Variants in PEX3 observed in about 807,000 individuals in gnomAD.
The protein encoded by PEX3 is peroxin-3.
In PEX3, 30 loss-of-function variants were observed where a neutral mutation model predicts 55.8. The ratio of observed to expected loss-of-function variants is 0.54; its 90% CI spans 0.40 to 0.73. PEX3 has a LOEUF of 0.73. Ranked by LOEUF, PEX3 falls within the 30% of genes least tolerant of loss-of-function variation. The probability of loss-of-function intolerance (pLI) is 0.00; values close to 1 mark genes in which losing one functional copy is unlikely to be tolerated. For missense variants in PEX3, 351 were observed against 432.8 expected (o/e 0.81, Z 1.68); for synonymous variants, 135 against 148.4 (o/e 0.91, Z 0.66).
rs1371981161 is a variant in PEX3 at position 143,454,823 on chromosome 6, C to T, written c.73+3708C>T. On this transcript the variant is annotated intron_variant, in intron 1 of 11. Transcript: ENST00000367591. This position sits in a 1 kb window ranked among gnomAD's most constrained non-coding sequence, Gnocchi z 4.3. ...CAATTCAAGAGGTTCAGCAACATTG[C>T]TTTTTATGAATGAAACTGTATTTCA... Among the ~76,000 whole-genome samples, 2 of 152,140 alleles carry T rather than the reference C, an allele frequency of 1.3e-5. No homozygotes were observed. The highest frequency in any genetic ancestry group is 2.4e-5 in the African/African-American group (1 of 41,408).
rs554532353 is a variant in PEX3 at position 143,483,257 on chromosome 6, G to C, written c.942-1895G>C. On this transcript the variant is annotated intron_variant, in intron 10 of 11. Coordinates refer to ENST00000367591, the MANE Select transcript of PEX3 (RefSeq NM_003630.3). This position sits in a 1 kb window ranked among gnomAD's most constrained non-coding sequence, Gnocchi z 4.3. The stretch of plus-strand genomic sequence containing the variant: ...ACTGTATTAGGTTTCTGTTCCCATA[G>C]ATCTTACAATCTAATTGGGGAAATA... 2.8e-4 allele frequency among the ~76,000 whole-genome samples: 42 copies of C among 152,104 alleles called. No individual in the cohort carries two copies. Among genetic ancestry groups the C allele is most frequent in the Admixed American group, 6.6e-4 (10 of 15,260 alleles).
At chr6:143,478,481 CACAT>C (rs764988870) in intron 9 of PEX3, among the ~76,000 whole-genome samples, 1 of 152,058 alleles carries the variant, frequency 6.6e-6, no homozygotes, top group Non-Finnish European at 1.5e-5. Flanking sequence ...GAAAGATACA[CACAT>C]ACACATGCAC....
chr6:143,467,454 C>T (rs1562653474), intron 3 of PEX3, among the ~76,000 whole-genome samples: 1 of 152,022 alleles, frequency 6.6e-6, no homozygotes. Context: ...TAGCAATGAA[C>T]ATTCTGCATC....
rs886061131 is a variant in PEX3, at chr6:143,450,891, GTC to G, written c.-148_-147del. The G allele has an allele frequency of 3.7e-6, 3 of 811,296 alleles. No individual in the cohort carries two copies. Among genetic ancestry groups the G allele is most frequent in the East Asian group, 4.9e-5 (2 of 41,204 alleles). 50.3% of individuals were successfully genotyped at this position (811,296 alleles called of 1,614,324 possible). A position where few individuals can be genotyped will look rare whatever the true frequency, so the allele number is the denominator to read the frequency against. On this transcript the variant is annotated 5_prime_UTR_variant, in exon 1 of 12. Coordinates refer to ENST00000367591, the MANE Select transcript of PEX3 (RefSeq NM_003630.3). ...ACGCCCCCTTGCCGCTCCGGTGACA[GTC>G]TCTGCGGAAAGTCACGTTTGTGATT... is the stretch of plus-strand genomic sequence containing the variant.
rs746479380 is a variant in PEX3 at position 143,485,232 on chromosome 6, C to A, written c.1022C>A (p.Pro341His). Residue 341 changes from proline (P) to histidine (H), a missense_variant, in exon 11 of 12, where the codon CCT (proline) becomes CAT (histidine). Transcript: ENST00000367591. The surrounding 1 kb of genome is among the most constrained non-coding windows in gnomAD (Gnocchi z 5.6). Reference sequence around the variant, plus strand: ...ATCCATTCAGTTTGCAGTGAAACACCTAGTCATTTTGTTCAGGTAAGAAGA... The same window carrying A: ...ATCCATTCAGTTTGCAGTGAAACACATAGTCATTTTGTTCAGGTAAGAAGA... ...GQIHSVCSET[P>H]SHFVQDLLTM... 2.5e-6 allele frequency: 4 copies of A among 1,580,306 alleles called. No individual in the cohort carries two copies. In the South Asian group the frequency reaches 4.4e-5, roughly 17 times the overall value.
chr6:143,468,222 G>T, intron 4 of PEX3, 57 bp downstream of exon 4: 1 of 1,166,770 alleles, frequency 8.6e-7, no homozygotes, highest in Non-Finnish European at 1.3e-6. Context: ...AAAGGGAAAT[G>T]TTTGCATTCT....
intron 9 of PEX3, among the ~76,000 whole-genome samples, chr6:143,478,644 A>G (rs1780185900): frequency 6.6e-6 from 1 of 152,028 alleles, no homozygotes; most frequent in African/African-American, 2.4e-5. Flanking sequence ...GAGCTCCCCA[A>G]TTTACTAATC....
At position 143,465,356 on chromosome 6, in the gene PEX3, A is replaced by G. The variant is rs528754359; in HGVS notation, c.287+2359A>G. On this transcript the variant is annotated intron_variant, in intron 3 of 11. Coordinates refer to ENST00000367591, the MANE Select transcript of PEX3 (RefSeq NM_003630.3). This position sits in a 1 kb window ranked among gnomAD's most constrained non-coding sequence, Gnocchi z 4.7. Reference sequence around the variant, plus strand: ...ATAATGTTAAGTGTAAACATGAAGAAATGTCCTGGGTAACTATTACTGTCT... The same window carrying G: ...ATAATGTTAAGTGTAAACATGAAGAGATGTCCTGGGTAACTATTACTGTCT... Among the ~76,000 whole-genome samples, 31 of 151,970 alleles carry G rather than the reference A, an allele frequency of 2.0e-4. No individual in the cohort carries two copies. Among genetic ancestry groups the G allele is most frequent in the Non-Finnish European group, 3.4e-4 (23 of 67,862 alleles).
Position 143,453,920 on chromosome 6 carries a change from A to G in PEX3, c.73+2805A>G, listed in dbSNP as rs1479859466. Reference sequence around the variant, plus strand: ...GAAAAGACTAGAGAATTGACTCCCAAACTTTTTGATCTAAGGTCTCCTTTA... The same window carrying G: ...GAAAAGACTAGAGAATTGACTCCCAGACTTTTTGATCTAAGGTCTCCTTTA... On this transcript the variant is annotated intron_variant, in intron 1 of 11. Transcript: ENST00000367591. The surrounding 1 kb of genome is among the most constrained non-coding windows in gnomAD (Gnocchi z 4.6). Among the ~76,000 whole-genome samples the G allele has an allele frequency of 1.3e-5, 2 of 152,156 alleles. No homozygotes were observed. The highest frequency in any genetic ancestry group is 2.9e-5 in the Non-Finnish European group (2 of 68,032).
rs1779947748 is a variant in PEX3 at position 143,463,147 on chromosome 6, C to T, written c.287+150C>T. 1.5e-6 allele frequency: 1 copy of T among 658,944 alleles called. No homozygotes were observed. The highest frequency in any genetic ancestry group is 2.7e-6 in the Non-Finnish European group (1 of 368,406). 40.8% of individuals were successfully genotyped at this position (658,944 alleles called of 1,614,324 possible). ...GAAAAATACTAACTATATCATTTAA[C>T]CTACATTTAATTTTGTCTATGCTCT... On this transcript the variant is annotated intron_variant, in intron 3 of 11. Coordinates refer to ENST00000367591, the MANE Select transcript of PEX3 (RefSeq NM_003630.3). The surrounding 1 kb of genome is among the most constrained non-coding windows in gnomAD (Gnocchi z 5.7).
rs1250869936 is a variant in PEX3 at position 143,483,981 on chromosome 6, A to T, written c.942-1171A>T. The stretch of plus-strand genomic sequence containing the variant: ...AAATGCCTGCTTCCCTCAGGAATAC[A>T]TAAATCTTCCCACTTCCTTTATTCT... On this transcript the variant is annotated intron_variant, in intron 10 of 11. Coordinates refer to ENST00000367591, the MANE Select transcript of PEX3 (RefSeq NM_003630.3). This position sits in a 1 kb window ranked among gnomAD's most constrained non-coding sequence, Gnocchi z 4.3. 6.6e-6 allele frequency among the ~76,000 whole-genome samples: 1 copy of T among 152,106 alleles called. No homozygotes were observed. Among genetic ancestry groups the T allele is most frequent in the Non-Finnish European group, 1.5e-5 (1 of 68,002 alleles).
rs2128745147 is a variant in PEX3 at position 143,454,896 on chromosome 6, A to G, written c.73+3781A>G. Among the ~76,000 whole-genome samples, 1 of 152,374 alleles carries G rather than the reference A, an allele frequency of 6.6e-6. No homozygotes were observed. The highest frequency in any genetic ancestry group is 2.4e-5 in the African/African-American group (1 of 41,596). On this transcript the variant is annotated intron_variant, in intron 1 of 11. Transcript: ENST00000367591. The surrounding 1 kb of genome is among the most constrained non-coding windows in gnomAD (Gnocchi z 4.3). ...TGGCAAAAGATTAACTTGGAAAAGT[A>G]GCTAGAGTACAGATTGTGAAGGGCC...
rs1779976610 is a variant in PEX3, at chr6:143,465,263, T to C, written c.287+2266T>C. ...CTGTTCTACATAGATTTGGAATCTT[T>C]TATGTAGATTTTGGAGTTTTTTAAA... On this transcript the variant is annotated intron_variant, in intron 3 of 11. Transcript: ENST00000367591. This position sits in a 1 kb window ranked among gnomAD's most constrained non-coding sequence, Gnocchi z 4.7. Among the ~76,000 whole-genome samples, 1 of 151,990 alleles carries C rather than the reference T, an allele frequency of 6.6e-6. No individual in the cohort carries two copies. The highest frequency in any genetic ancestry group is 6.6e-5 in the Admixed American group (1 of 15,250).
intron 9 of PEX3, among the ~76,000 whole-genome samples, chr6:143,477,031 T>C (rs904371023): frequency 2.6e-5 from 4 of 152,152 alleles, no homozygotes; most frequent in African/African-American, 9.7e-5. Context: ...GAGACTGTGA[T>C]TGATTGGGTC....
Position 143,470,352 on chromosome 6 carries a change from C to T in PEX3, c.332-609C>T, listed in dbSNP as rs560717096. Among the ~76,000 whole-genome samples, 26 of 152,274 alleles carry T rather than the reference C, an allele frequency of 1.7e-4. 1 individual carries two copies. The South Asian group carries it at 4.4e-3, about 26-fold the overall frequency. On this transcript the variant is annotated intron_variant, in intron 4 of 11. Coordinates refer to ENST00000367591, the MANE Select transcript of PEX3 (RefSeq NM_003630.3). The stretch of plus-strand genomic sequence containing the variant: ...CAGCCCTGCAGCCTGGCTTCCACAC[C>T]TGTGTCTTCACCTAAGCAGGTCTCT...
At chr6:143,456,542 G>A (rs933802148) in intron 1 of PEX3, among the ~76,000 whole-genome samples, 1 of 152,168 alleles carries the variant, frequency 6.6e-6, no homozygotes, top group African/African-American at 2.4e-5. Context: ...TCTAAGATCA[G>A]GATTGGTTCC....
Position 143,471,114 on chromosome 6 carries a change from G to T in PEX3, c.456+29G>T. 1 of 1,604,812 alleles carries T rather than the reference G, an allele frequency of 6.2e-7. No individual in the cohort carries two copies. The highest frequency in any genetic ancestry group is 8.5e-7 in the Non-Finnish European group (1 of 1,171,940). On this transcript the variant is annotated intron_variant, in intron 5 of 11. Transcript: ENST00000367591. The surrounding 1 kb of genome is among the most constrained non-coding windows in gnomAD (Gnocchi z 5.4). Reference sequence around the variant, plus strand: ...AGTTTAATAGACTTAAATAGACATTGTTCTTTCCCTCAGGAGGTTCAAAGT... The same window carrying T: ...AGTTTAATAGACTTAAATAGACATTTTTCTTTCCCTCAGGAGGTTCAAAGT...
chr6:143,474,561 TCTTA>T, intron 8 of PEX3, among the ~76,000 whole-genome samples: 1 of 152,126 alleles, frequency 6.6e-6, no homozygotes, highest in Non-Finnish European at 1.5e-5. Context: ...TAAACAGAGC[TCTTA>T]CTAAGTATAA....
rs1780306928 is a variant in PEX3 at position 143,485,529 on chromosome 6, AATGT to A, written c.1038+282_1038+285del. On this transcript the variant is annotated intron_variant, in intron 11 of 11. Coordinates refer to ENST00000367591, the MANE Select transcript of PEX3 (RefSeq NM_003630.3). The surrounding 1 kb of genome is among the most constrained non-coding windows in gnomAD (Gnocchi z 5.6). ...TGGTCAGTTGAATTTATATAGCATG[AATGT>A]TTGCATTAAGCTGTGCTAGTAAGAA... Among the ~76,000 whole-genome samples, 4 of 152,050 alleles carry A rather than the reference AATGT, an allele frequency of 2.6e-5. No homozygotes were observed. The highest frequency in any genetic ancestry group is 2.6e-4 in the Admixed American group (4 of 15,238).
Sources: gnomAD v4.1 joint callset for allele counts (sites outside exome capture counted in the v4.1 genomes callset) on GRCh38, gnomAD v4.1.1 for gene constraint, Gnocchi (gnomAD v3.1) non-coding constraint, MANE v1.5 for transcripts, NCBI Gene and HGNC (gene_info 2026-07-23, HGNC 2026-07-21) for gene names.